Variants in NCR1 observed in about 807,000 individuals in gnomAD.
The protein encoded by NCR1 is natural cytotoxicity triggering receptor 1, also known as NK cell-activating receptor.
NCR1 carries 30 observed loss-of-function variants against 32.5 expected under a neutral mutation model. The ratio of observed to expected loss-of-function variants is 0.92; its 90% CI spans 0.69 to 1.25. The LOEUF is 1.25. Among genes scored for constraint, NCR1 ranks in the 50% most tolerant of loss-of-function variants. NCR1 has a pLI of 0.00. For missense variants in NCR1, 369 were observed against 380.7 expected (o/e 0.97, Z 0.26); for synonymous variants, 169 against 143.4 (o/e 1.18, Z -1.28).
chr19:54,905,886 A>C (rs2067572383), upstream of NCR1, among the ~76,000 whole-genome samples: 1 of 152,198 alleles, frequency 6.6e-6, no homozygotes, highest in Non-Finnish European at 1.5e-5. Flanking sequence ...TCCCACAGTC[A>C]GCTCTGGGTA....
At chr19:54,904,531 C>CTTTTCTTTTTTTTTTTTTTTTTTTT (rs1221694096), upstream of NCR1, among the ~76,000 whole-genome samples, 10 of 118,968 alleles carry the variant, frequency 8.4e-5, no homozygotes, top group East Asian at 2.5e-4. Flanking sequence ...GTTTTCTTTT[C>CTTTTCTTTTTTTTTTTTTTTTTTTT]TTTTTTTTTT....
the NCR1 span, chr19:54,927,885 T>C: frequency 1.1e-6 from 1 of 901,726 alleles, no homozygotes; most frequent in South Asian, 1.3e-5. Context: ...TGAGGCCAGG[T>C]GTTCGAGACC....
the NCR1 span, among the ~76,000 whole-genome samples, chr19:54,924,358 C>T: frequency 6.6e-5 from 10 of 152,224 alleles, no homozygotes; most frequent in African/African-American, 1.2e-4. Context: ...CACGGTGTCT[C>T]GCACCTGTAG....
At chr19:54,916,790 C>T (rs1395650379), downstream of NCR1, among the ~76,000 whole-genome samples, 3 of 149,380 alleles carry the variant, frequency 2.0e-5, no homozygotes. Context: ...CTGCAACCTC[C>T]GCTTTCCGGG....
At chr19:54,903,433 C>CATATATGTATAT (rs1569535624), upstream of NCR1, among the ~76,000 whole-genome samples, 26 of 124,152 alleles carry the variant, frequency 2.1e-4, no homozygotes, top group Admixed American at 8.7e-4. Flanking sequence ...TATGTATACA[C>CATATATGTATAT]GCATACATGT....
upstream of NCR1, among the ~76,000 whole-genome samples, chr19:54,904,531 C>CTTTTCTTTTTT (rs1221694096): frequency 2.5e-5 from 3 of 118,994 alleles, no homozygotes; most frequent in Non-Finnish European, 5.3e-5. Context: ...GTTTTCTTTT[C>CTTTTCTTTTTT]TTTTTTTTTT....
chr19:54,933,442 G>T, the NCR1 span: 2 of 1,225,570 alleles, frequency 1.6e-6, no homozygotes, highest in Non-Finnish European at 2.3e-6. Context: ...ACCACGCCTG[G>T]CCTCTGCCTG....
the NCR1 span, chr19:54,938,108 C>A: frequency 6.2e-7 from 1 of 1,614,076 alleles, no homozygotes; most frequent in Admixed American, 1.7e-5. Flanking sequence ...ACAGAAGAGT[C>A]ACTCAGGAAG....
chr19:54,911,455 C>T (rs895847292), intron 5 of NCR1, among the ~76,000 whole-genome samples: 3 of 151,506 alleles, frequency 2.0e-5, no homozygotes, highest in Non-Finnish European at 2.9e-5. Context: ...GAAAATGAGG[C>T]TTAAATAGAA....
chr19:54,931,444 C>A, the NCR1 span, among the ~76,000 whole-genome samples: 1 of 152,074 alleles, frequency 6.6e-6, no homozygotes, highest in Admixed American at 6.6e-5. Flanking sequence ...AATCTCAGCA[C>A]TTTGGGAGGC....
intron 3 of NCR1, among the ~76,000 whole-genome samples, chr19:54,908,334 G>A (rs2067745045): frequency 6.6e-6 from 1 of 152,286 alleles, no homozygotes; most frequent in African/African-American, 2.4e-5. Context: ...GCATCCCAAA[G>A]CAGAAGAATT....
chr19:54,903,544 GCATGTGTGTATA>G, upstream of NCR1, among the ~76,000 whole-genome samples: 1 of 136,878 alleles, frequency 7.3e-6, no homozygotes. Flanking sequence ...ATGCATGTAT[GCATGTGTGTATA>G]TATACATATA....
chr19:54,922,368 A>G, the NCR1 span, among the ~76,000 whole-genome samples: 1 of 152,198 alleles, frequency 6.6e-6, no homozygotes, highest in African/African-American at 2.4e-5. Context: ...GACCAAATAC[A>G]GGGTGTGGAA....
downstream of NCR1, among the ~76,000 whole-genome samples, chr19:54,917,469 G>A (rs1411667156): frequency 6.6e-6 from 1 of 152,044 alleles, no homozygotes; most frequent in Non-Finnish European, 1.5e-5. Context: ...ACAGGCATGT[G>A]CCGCCACGCC....
upstream of NCR1, among the ~76,000 whole-genome samples, chr19:54,904,069 T>C (rs2067386907): frequency 7.2e-6 from 1 of 139,582 alleles, no homozygotes; most frequent in African/African-American, 2.7e-5. Flanking sequence ...GAGGTTGCAG[T>C]GAGCTGAGAT....
chr19:54,929,440 G>A, the NCR1 span, among the ~76,000 whole-genome samples: 2 of 152,102 alleles, frequency 1.3e-5, no homozygotes, highest in African/African-American at 4.8e-5. Context: ...GTAATGACGT[G>A]CAGATTCTCT....
the NCR1 span, among the ~76,000 whole-genome samples, chr19:54,927,335 C>T: frequency 1.3e-5 from 2 of 149,608 alleles, no homozygotes; most frequent in Non-Finnish European, 3.0e-5. Context: ...GAGCCAAGAT[C>T]GCACCACTGC....
Position 54,909,484 on chromosome 19 carries a change from T to C in NCR1, c.595T>C (p.Trp199Arg). ...RCFGSYNNHAWSFPSEPVKLL... is the reference protein window; with the variant it reads ...RCFGSYNNHARSFPSEPVKLL... ...TTTTGGCTCCTATAACAACCATGCC[T>C]GGTCTTTCCCCAGTGAGCCAGTGAA... The change falls in exon 4 of 7, where the codon TGG (tryptophan) becomes CGG (arginine). Residue 199 changes from tryptophan to arginine, a missense_variant. Coordinates refer to ENST00000291890, the MANE Select transcript of NCR1 (RefSeq NM_004829.7). 1.2e-6 allele frequency: 2 copies of C among 1,609,298 alleles called. No homozygotes were observed. Among genetic ancestry groups the C allele is most frequent in the Non-Finnish European group, 1.7e-6 (2 of 1,179,856 alleles).
chr19:54,903,065 G>A, upstream of NCR1, among the ~76,000 whole-genome samples: 1 of 151,900 alleles, frequency 6.6e-6, no homozygotes, highest in Non-Finnish European at 1.5e-5. Context: ...AGGAGGTGAA[G>A]GTTGCAGTGA....
Sources: allele counts gnomAD v4.1 joint callset (sites outside exome capture counted in the v4.1 genomes callset), GRCh38; gene constraint gnomAD v4.1.1; transcripts MANE v1.5; gene names NCBI Gene and HGNC (gene_info 2026-07-23, HGNC 2026-07-21).